The following CNTN4 variants were observed in gnomAD, a reference collection of about 807,000 sequenced individuals.
CNTN4 encodes contactin 4.
Under a neutral mutation model 122.5 loss-of-function variants are expected in CNTN4, and 77 were observed. That is an observed-to-expected ratio of 0.63 (90% CI 0.52 to 0.76). CNTN4 has a LOEUF of 0.76. Among genes scored for constraint, CNTN4 ranks in the 30% least tolerant of loss-of-function variants. The probability of loss-of-function intolerance (pLI) is 0.00; values close to 1 mark genes in which losing one functional copy is unlikely to be tolerated. For synonymous variants in CNTN4, 512 were observed against 447.0 expected (o/e 1.15, Z -1.83); for missense variants, 1,256 against 1,259.1 (o/e 1.00, Z 0.04).
At chr3:2,506,177 G>T (rs982979974) in intron 3 of CNTN4, among the ~76,000 whole-genome samples, 25 of 152,116 alleles carry the variant, frequency 1.6e-4, no homozygotes, top group African/African-American at 5.1e-4. Flanking sequence ...AGAAACAAAG[G>T]TTAGCTGTGA....
chr3:2,202,923 G>A (rs558384622), intron 2 of CNTN4, among the ~76,000 whole-genome samples: 44 of 151,652 alleles, frequency 2.9e-4, no homozygotes, highest in Admixed American at 5.9e-4. Context: ...TCCCAAGTTC[G>A]AGATTCTCCT....
In CNTN4 at chr3:2,919,353, GAAAAAAAA is replaced by G. The variant is rs200119254; in HGVS notation, c.1208-6259_1208-6252del. Reference sequence around the variant, plus strand: ...GGTGACAGAGCAAGACTCTGTCTCAGAAAAAAAAAAAAAAAAAAAAAAAACCAGATCGT... The same window carrying G: ...GGTGACAGAGCAAGACTCTGTCTCAGAAAAAAAAAAAAAAAACCAGATCGT... On this transcript the variant is annotated intron_variant, in intron 12 of 24. Transcript: ENST00000418658. 4.3e-3 allele frequency among the ~76,000 whole-genome samples: 470 copies of G among 108,462 alleles called. 4 individuals are homozygous for G. The highest frequency in any genetic ancestry group is 0.014 in the African/African-American group (399 of 28,662). 71.2% of individuals were successfully genotyped at this position (108,462 alleles called of 152,430 possible). A position where few individuals can be genotyped will look rare whatever the true frequency, so the allele number is the denominator to read the frequency against.
chr3:2,813,981 T>A (rs1358942298), intron 6 of CNTN4, among the ~76,000 whole-genome samples: 1 of 152,232 alleles, frequency 6.6e-6, no homozygotes, highest in Non-Finnish European at 1.5e-5. Context: ...CTCTCTGGTC[T>A]CAATGAGGTA....
At chr3:2,670,093 A>C (rs939103370) in intron 4 of CNTN4, among the ~76,000 whole-genome samples, 10 of 152,202 alleles carry the variant, frequency 6.6e-5, no homozygotes, top group Middle Eastern at 3.2e-3. Context: ...AGAGTTCTGT[A>C]GATGTCTATT....
rs111548311 is a variant in CNTN4 at position 2,151,705 on chromosome 3, G to A, written c.-145+51066G>A. On this transcript the variant is annotated intron_variant, in intron 2 of 24. Coordinates refer to ENST00000418658, the MANE Select transcript of CNTN4 (RefSeq NM_175607.3). Reference sequence around the variant, plus strand: ...ATGGATTAATGGATTAATGACTAATGGACTAATGAGTTGTCATGAAAGTGG... The same window carrying A: ...ATGGATTAATGGATTAATGACTAATAGACTAATGAGTTGTCATGAAAGTGG... Among the ~76,000 whole-genome samples the A allele has an allele frequency of 1.6e-3, 240 of 152,202 alleles. 1 individual carries two copies. The highest frequency in any genetic ancestry group is 5.6e-3 in the African/African-American group (232 of 41,536).
In CNTN4 at chr3:2,473,264, A is replaced by T. The variant is rs549911966; in HGVS notation, c.-88-98152A>T. ...AAAAAAAAAAAAAACACCTGCCAGCATTACTCTCCTGCTGTACTACGATAG... is the reference window on the plus strand; with the variant it reads ...AAAAAAAAAAAAAACACCTGCCAGCTTTACTCTCCTGCTGTACTACGATAG... On this transcript the variant is annotated intron_variant, in intron 3 of 24. Coordinates refer to ENST00000418658, the MANE Select transcript of CNTN4 (RefSeq NM_175607.3). Among the ~76,000 whole-genome samples the T allele has an allele frequency of 1.9e-4, 28 of 149,352 alleles. 1 individual carries two copies. In the South Asian group the frequency reaches 6.0e-3, roughly 32 times the overall value.
At chr3:2,368,683 A>G (rs971970825) in intron 3 of CNTN4, among the ~76,000 whole-genome samples, 2 of 152,136 alleles carry the variant, frequency 1.3e-5, no homozygotes, top group African/African-American at 4.8e-5. Flanking sequence ...AAAAAACTGA[A>G]CAGAAGTGCA....
At chr3:2,239,643 G>T (rs1219563769) in intron 2 of CNTN4, among the ~76,000 whole-genome samples, 1 of 152,122 alleles carries the variant, frequency 6.6e-6, no homozygotes, top group African/African-American at 2.4e-5. Flanking sequence ...TCAAAAAGTT[G>T]AAGTTAGAGG....
intron 2 of CNTN4, among the ~76,000 whole-genome samples, chr3:2,204,362 T>C (rs544524679): frequency 5.3e-4 from 80 of 152,298 alleles, no homozygotes; most frequent in African/African-American, 1.8e-3. Flanking sequence ...AATAAAATTA[T>C]ATGTAACTAC....
At chr3:2,142,282 A>G (rs1016966330) in intron 2 of CNTN4, among the ~76,000 whole-genome samples, 1 of 152,204 alleles carries the variant, frequency 6.6e-6, no homozygotes, top group Non-Finnish European at 1.5e-5. Context: ...TCTCCAAAAT[A>G]TACCAGCTTT....
At chr3:2,326,184 C>G (rs1285005114) in intron 2 of CNTN4, among the ~76,000 whole-genome samples, 2 of 152,148 alleles carry the variant, frequency 1.3e-5, no homozygotes, top group Non-Finnish European at 2.9e-5. Context: ...CTGAATAGAA[C>G]AAAATAGTGA....
chr3:2,510,703 T>C (rs2076862169), intron 3 of CNTN4, among the ~76,000 whole-genome samples: 1 of 152,190 alleles, frequency 6.6e-6, no homozygotes, highest in African/African-American at 2.4e-5. Context: ...GGCAAGGTTT[T>C]GATAAAGCGC....
At chr3:2,534,282 A>G (rs918682886) in intron 3 of CNTN4, among the ~76,000 whole-genome samples, 17 of 152,150 alleles carry the variant, frequency 1.1e-4, no homozygotes, top group Admixed American at 2.6e-4. Flanking sequence ...TAATTTTTGT[A>G]TAAGTTGTAA....
chr3:2,448,251 G>A (rs577761593), intron 3 of CNTN4, among the ~76,000 whole-genome samples: 1 of 152,310 alleles, frequency 6.6e-6, no homozygotes, highest in East Asian at 1.9e-4. Flanking sequence ...AGAGAATGTA[G>A]TGTCCAGTTG....
rs560244592 is a variant in CNTN4, at chr3:2,106,131, C to A, written c.-145+5492C>A. Among the ~76,000 whole-genome samples the A allele has an allele frequency of 1.6e-3, 239 of 152,362 alleles. 1 individual carries two copies. The highest frequency in any genetic ancestry group is 5.6e-3 in the African/African-American group (231 of 41,596). On this transcript the variant is annotated intron_variant, in intron 2 of 24. Transcript: ENST00000418658. ...GTCTGGGGCAGTTCTGCCCCTCTGGCTTTGCAGGCTACAGCTCCCCTCCCA... is the reference window on the plus strand; with the variant it reads ...GTCTGGGGCAGTTCTGCCCCTCTGGATTTGCAGGCTACAGCTCCCCTCCCA...
At chr3:2,409,713 A>C (rs772146927) in intron 3 of CNTN4, among the ~76,000 whole-genome samples, 99 of 152,098 alleles carry the variant, frequency 6.5e-4, no homozygotes, top group Non-Finnish European at 7.1e-4. Context: ...GAATATTTAG[A>C]CTGTACTTGA....
intron 4 of CNTN4, among the ~76,000 whole-genome samples, chr3:2,610,573 C>G (rs2081437902): frequency 6.6e-6 from 1 of 152,154 alleles, no homozygotes; most frequent in South Asian, 2.1e-4. Flanking sequence ...TAATACTTTA[C>G]ACTTTGTGTA....
chr3:2,177,871 C>G (rs1220403234), intron 2 of CNTN4, among the ~76,000 whole-genome samples: 1 of 152,106 alleles, frequency 6.6e-6, no homozygotes, highest in Non-Finnish European at 1.5e-5. Context: ...AACTGGGCCC[C>G]AGAGCCTAGC....
At chr3:2,478,739 C>T (rs988033154) in intron 3 of CNTN4, among the ~76,000 whole-genome samples, 11 of 152,166 alleles carry the variant, frequency 7.2e-5, no homozygotes, top group Non-Finnish European at 1.5e-4. Context: ...CAGCTCCATC[C>T]ATGTCCCTGC....
Sources: gnomAD v4.1 joint callset for allele counts (sites outside exome capture counted in the v4.1 genomes callset) on GRCh38, gnomAD v4.1.1 for gene constraint, MANE v1.5 for transcripts, NCBI Gene and HGNC (gene_info 2026-07-23, HGNC 2026-07-21) for gene names.